SPAG16: variants seen among roughly 807,000 people sequenced by gnomAD.
SPAG16 encodes sperm associated antigen 16.
A neutral mutation model predicts 80.4 loss-of-function variants in SPAG16; 86 were observed. The ratio of observed to expected loss-of-function variants is 1.07; its 90% CI spans 0.90 to 1.28. The LOEUF is 1.28. SPAG16 is among the 50% of genes most tolerant of loss of function. The pLI, the probability that SPAG16 is intolerant of heterozygous loss-of-function variation, is 0.00. For synonymous variants in SPAG16, 294 were observed against 265.9 expected (o/e 1.11, Z -1.03); for missense variants, 870 against 765.3 (o/e 1.14, Z -1.61).
chr2:213,977,374 T>G (rs1181982381), intron 12 of SPAG16, among the ~76,000 whole-genome samples: 1 of 151,982 alleles, frequency 6.6e-6, no homozygotes, highest in Non-Finnish European at 1.5e-5. Context: ...TTGGATAAAA[T>G]TACTTAAATA....
At chr2:213,844,630 T>A (rs1329374266) in intron 10 of SPAG16, among the ~76,000 whole-genome samples, 1 of 152,174 alleles carries the variant, frequency 6.6e-6, no homozygotes, top group East Asian at 1.9e-4. Context: ...TACGAGGACT[T>A]GGACTTATAA....
At chr2:213,398,390 A>G (rs1311816543) in intron 9 of SPAG16, among the ~76,000 whole-genome samples, 1 of 152,164 alleles carries the variant, frequency 6.6e-6, no homozygotes, top group Non-Finnish European at 1.5e-5. Context: ...CTGAGGCCCT[A>G]CATTACCTAG....
chr2:214,235,941 TC>T (rs1689045024), intron 15 of SPAG16, among the ~76,000 whole-genome samples: 1 of 152,306 alleles, frequency 6.6e-6, no homozygotes, highest in East Asian at 1.9e-4. Context: ...GAACTAATTT[TC>T]AGGACACAGC....
intron 4 of SPAG16, among the ~76,000 whole-genome samples, chr2:213,310,912 T>A (rs969127547): frequency 2.6e-5 from 4 of 151,818 alleles, no homozygotes; most frequent in Middle Eastern, 6.3e-3. Context: ...GGGATTAATA[T>A]GATACCTAAA....
chr2:213,652,309 T>A (rs2063052997), intron 10 of SPAG16, among the ~76,000 whole-genome samples: 1 of 149,598 alleles, frequency 6.7e-6, no homozygotes, highest in South Asian at 2.1e-4. Flanking sequence ...TTTTGTTGAA[T>A]TTTTTCTTGT....
intron 10 of SPAG16, among the ~76,000 whole-genome samples, chr2:213,701,615 C>T (rs929033405): frequency 6.6e-6 from 1 of 152,136 alleles, no homozygotes; most frequent in Non-Finnish European, 1.5e-5. Context: ...AGTGCAGGTG[C>T]GTGGCGCGGG....
chr2:214,121,889 A>G (rs2054237801), intron 14 of SPAG16, among the ~76,000 whole-genome samples: 1 of 151,974 alleles, frequency 6.6e-6, no homozygotes. Flanking sequence ...TCCTATCCCC[A>G]TGATATTACA....
intron 10 of SPAG16, among the ~76,000 whole-genome samples, chr2:213,654,923 C>G (rs1031922022): frequency 1.9e-4 from 29 of 152,064 alleles, no homozygotes; most frequent in African/African-American, 7.0e-4. Flanking sequence ...TTTGAAAGGA[C>G]CACTGTAGAG....
rs151101360 is a variant in SPAG16 at position 214,350,024 on chromosome 2, C to T, written c.1721-60116C>T. 2.2e-3 allele frequency among the ~76,000 whole-genome samples: 335 copies of T among 152,258 alleles called. 2 individuals carry two copies. Among genetic ancestry groups the T allele is most frequent in the African/African-American group, 7.7e-3 (319 of 41,554 alleles). The stretch of plus-strand genomic sequence containing the variant: ...TTTGCTTATTCATTTCTTAGCAAAG[C>T]TAATGTTCCTCTCAAAACTTTATGA... On this transcript the variant is annotated intron_variant, in intron 15 of 15. Transcript: ENST00000331683.
chr2:213,785,032 T>C (rs758399555), intron 10 of SPAG16, among the ~76,000 whole-genome samples: 1 of 152,154 alleles, frequency 6.6e-6, no homozygotes, highest in Non-Finnish European at 1.5e-5. Context: ...TTGTGTTTGG[T>C]ATATATTTAT....
At chr2:213,891,635 A>C (rs1193615449) in intron 11 of SPAG16, among the ~76,000 whole-genome samples, 1 of 152,166 alleles carries the variant, frequency 6.6e-6, no homozygotes, top group Non-Finnish European at 1.5e-5. Flanking sequence ...ACCTGGCTTC[A>C]CTTCCCCTAA....
chr2:213,748,346 A>C (rs776041520), intron 10 of SPAG16, among the ~76,000 whole-genome samples: 1 of 152,140 alleles, frequency 6.6e-6, no homozygotes, highest in Non-Finnish European at 1.5e-5. Context: ...ATTTGTTCAT[A>C]TTCTTTCAGA....
intron 10 of SPAG16, among the ~76,000 whole-genome samples, chr2:213,559,060 C>T (rs984929053): frequency 6.6e-6 from 1 of 152,088 alleles, no homozygotes; most frequent in Non-Finnish European, 1.5e-5. Flanking sequence ...CAAATTCCTT[C>T]AGCTGTATAG....
intron 11 of SPAG16, among the ~76,000 whole-genome samples, chr2:213,895,713 G>A (rs2076967192): frequency 6.6e-6 from 1 of 151,992 alleles, no homozygotes; most frequent in African/African-American, 2.4e-5. Context: ...AAATGGTACT[G>A]GGAAAACTAT....
At chr2:213,976,129 T>TACACAC (rs1266561700) in intron 12 of SPAG16, among the ~76,000 whole-genome samples, 1 of 104,688 alleles carries the variant, frequency 9.6e-6, no homozygotes, top group African/African-American at 3.9e-5. Flanking sequence ...TATATATATA[T>TACACAC]ATATATACAC....
intron 13 of SPAG16, among the ~76,000 whole-genome samples, chr2:214,031,833 G>GGAA (rs1201295396): frequency 6.6e-6 from 1 of 152,014 alleles, no homozygotes; most frequent in African/African-American, 2.4e-5. Context: ...AACCAAGGGG[G>GGAA]GAAGTGCTAC....
At chr2:213,832,012 A>G (rs775160951) in intron 10 of SPAG16, among the ~76,000 whole-genome samples, 6 of 151,524 alleles carry the variant, frequency 4.0e-5, no homozygotes, top group Non-Finnish European at 7.4e-5. Flanking sequence ...TTAATTTTTT[A>G]TTTTTTTGAG....
chr2:213,721,322 C>G (rs1453350055), intron 10 of SPAG16, among the ~76,000 whole-genome samples: 1 of 151,546 alleles, frequency 6.6e-6, no homozygotes, highest in Admixed American at 6.6e-5. Flanking sequence ...TCGTCTCGAA[C>G]TCCTGACCTC....
intron 15 of SPAG16, among the ~76,000 whole-genome samples, chr2:214,174,723 A>G (rs1328196178): frequency 1.3e-5 from 2 of 151,702 alleles, no homozygotes; most frequent in African/African-American, 4.8e-5. Context: ...CAGGATGGCA[A>G]AGGCTGTTCC....
Sources: gnomAD v4.1 joint callset for allele counts (sites outside exome capture counted in the v4.1 genomes callset) on GRCh38, gnomAD v4.1.1 for gene constraint, MANE v1.5 for transcripts, NCBI Gene and HGNC (gene_info 2026-07-23, HGNC 2026-07-21) for gene names.